The following RNF152 variants were observed in gnomAD, a reference collection of about 807,000 sequenced individuals.
The protein encoded by RNF152 is ring finger protein 152, also known as E3 ubiquitin-protein ligase RNF152.
Under a neutral mutation model 12.7 loss-of-function variants are expected in RNF152, and 11 were observed. The ratio of observed to expected loss-of-function variants is 0.86; its 90% confidence interval spans 0.54 to 1.43. The LOEUF is 1.43. Ranked by LOEUF, RNF152 falls within the 40% of genes most tolerant of loss-of-function variation. The probability of loss-of-function intolerance (pLI) is 0.00; values close to 1 mark genes in which losing one functional copy is unlikely to be tolerated. For missense variants in RNF152, 255 were observed against 274.8 expected, an observed-to-expected ratio of 0.93 and a Z score of 0.51; for synonymous variants, 113 against 120.3, an observed-to-expected ratio of 0.94 and a Z score of 0.40.
rs139265161 is a variant in RNF152, at chr18:61,872,942, G to C, written c.-136+19853C>G. Among the ~76,000 whole-genome samples, 849 of 152,186 alleles carry C rather than the reference G, an allele frequency of 5.6e-3. 3 individuals carry two copies. Among genetic ancestry groups the C allele is most frequent in the Middle Eastern group, 0.017 (5 of 294 alleles). On this transcript the variant is annotated intron_variant, in intron 1 of 1. Transcript: ENST00000312828. Reference sequence around the variant, plus strand: ...AAGATGTTTATTATTAGTTTATTTTGTTTCTGATAATAGCTTCCTTTGGTT... The same window carrying C: ...AAGATGTTTATTATTAGTTTATTTTCTTTCTGATAATAGCTTCCTTTGGTT...
chr18:61,853,296 C>T (rs1251802681), intron 1 of RNF152, among the ~76,000 whole-genome samples: 9 of 127,516 alleles, frequency 7.1e-5, no homozygotes, highest in Admixed American at 2.5e-4. Flanking sequence ...GTTCCTTGCC[C>T]TTTTTTTTTT....
chr18:61,855,406 G>A (rs56039619), intron 1 of RNF152, among the ~76,000 whole-genome samples: 11,417 of 152,286 alleles, frequency 0.075, 419 homozygotes, highest in Middle Eastern at 0.11. Context: ...TGGGGGAGGC[G>A]CAGCCAGGAC....
At position 61,815,959 on chromosome 18, in the gene RNF152, C is replaced by G; in HGVS notation, c.505G>C (p.Val169Leu). 2 of 1,614,242 alleles carry G rather than the reference C, an allele frequency of 1.2e-6. No homozygotes were observed. The highest frequency in any genetic ancestry group is 1.3e-5 in the African/African-American group (1 of 75,070). ...GVVKSSTWSGVCTVILVACVL... is the reference protein window; with the variant it reads ...GVVKSSTWSGLCTVILVACVL... ...CAAGCCACCAAGATGACAGTGCACA[C>G]CCCCGACCAGGTGGAGCTTTTCACC... Residue 169 changes from valine (V) to leucine (L), a missense_variant, in exon 2 of 2, where the codon GTG (valine) becomes CTG (leucine). Physicochemically the swap from Val to Leu is conservative, Grantham distance 32. Coordinates refer to ENST00000312828, the MANE Select transcript of RNF152 (RefSeq NM_173557.3).
At chr18:61,823,304 T>C (rs772453206) in intron 1 of RNF152, among the ~76,000 whole-genome samples, 4 of 152,202 alleles carry the variant, frequency 2.6e-5, no homozygotes, top group East Asian at 1.9e-4. Context: ...TTTAAACATG[T>C]TTTTTGTTTT....
At chr18:61,845,280 T>C (rs1438729499) in intron 1 of RNF152, among the ~76,000 whole-genome samples, 1 of 152,314 alleles carries the variant, frequency 6.6e-6, no homozygotes, top group Non-Finnish European at 1.5e-5. Context: ...CTTGTGGAGG[T>C]GACAGTTTTG....
At chr18:61,818,828 G>A (rs528636066) in intron 1 of RNF152, among the ~76,000 whole-genome samples, 5 of 152,226 alleles carry the variant, frequency 3.3e-5, no homozygotes, top group Non-Finnish European at 7.4e-5. Flanking sequence ...CAAGCGTGAT[G>A]TTCCTTTTTG....
At chr18:61,828,771 T>C (rs1015389232) in intron 1 of RNF152, among the ~76,000 whole-genome samples, 3 of 152,298 alleles carry the variant, frequency 2.0e-5, no homozygotes, top group Non-Finnish European at 4.4e-5. Flanking sequence ...CAAATGCATA[T>C]TGAGTATAAG....
At chr18:61,851,668 A>G (rs138796502) in intron 1 of RNF152, among the ~76,000 whole-genome samples, 1 of 152,172 alleles carries the variant, frequency 6.6e-6, no homozygotes, top group East Asian at 1.9e-4. Flanking sequence ...TGGACACCCA[A>G]ATTCACCCAG....
intron 1 of RNF152, chr18:61,890,258 T>C (rs1159555041): frequency 6.6e-6 from 1 of 152,214 alleles, no homozygotes; most frequent in African/African-American, 2.4e-5. Context: ...TGGAAGTCAC[T>C]AGTGCTACTC....
Position 61,809,405 on chromosome 18 carries a change from C to G in RNF152, c.*6447G>C, listed in dbSNP as rs754202638. 2.0e-5 allele frequency: 3 copies of G among 152,232 alleles called. No individual in the cohort carries two copies. The highest frequency in any genetic ancestry group is 4.4e-5 in the Non-Finnish European group (3 of 68,048). The allele number at this position is 152,232 out of a possible 1,614,324, so 9.4% of individuals were successfully genotyped here. ...TGTCATCTCTATTTCCTTCTGCTTA[C>G]AGCCCATGCTCTTCCACCACTATTA... On this transcript the variant is annotated 3_prime_UTR_variant, in exon 2 of 2. Coordinates refer to ENST00000312828, the MANE Select transcript of RNF152 (RefSeq NM_173557.3).
In RNF152 at chr18:61,842,561, G is replaced by A. The variant is rs185889032; in HGVS notation, c.-135-25963C>T. On this transcript the variant is annotated intron_variant, in intron 1 of 1. Transcript: ENST00000312828. The stretch of plus-strand genomic sequence containing the variant: ...CCTCTCTCTTCCTTCATGGCAAAAA[G>A]TCAAATGCTTGACTATTGAGCACCT... Among the ~76,000 whole-genome samples, 412 of 152,300 alleles carry A rather than the reference G, an allele frequency of 2.7e-3. 3 individuals are homozygous for A. The highest frequency in any genetic ancestry group is 3.6e-3 in the Non-Finnish European group (247 of 68,032).
chr18:61,844,211 G>T (rs1294909989), intron 1 of RNF152, among the ~76,000 whole-genome samples: 1 of 131,194 alleles, frequency 7.6e-6, no homozygotes, highest in South Asian at 2.6e-4. Flanking sequence ...GGGAGGGAAG[G>T]AGGGAGGGAA....
At chr18:61,855,916 G>C (rs149464964) in intron 1 of RNF152, among the ~76,000 whole-genome samples, 1 of 152,280 alleles carries the variant, frequency 6.6e-6, no homozygotes, top group Non-Finnish European at 1.5e-5. Flanking sequence ...AACTGAAAGA[G>C]AGTACACCTG....
chr18:61,820,328 C>CGAGAGA (rs1909331560), intron 1 of RNF152, among the ~76,000 whole-genome samples: 1 of 28,100 alleles, frequency 3.6e-5, no homozygotes, highest in Non-Finnish European at 5.7e-5. Context: ...GACTCCGTCT[C>CGAGAGA]ACCAAAAAAA....
At chr18:61,836,166 G>A (rs1371729701) in intron 1 of RNF152, among the ~76,000 whole-genome samples, 1 of 152,156 alleles carries the variant, frequency 6.6e-6, no homozygotes, top group Non-Finnish European at 1.5e-5. Context: ...TTGGAGAAAT[G>A]GTTGATTCCA....
intron 1 of RNF152, among the ~76,000 whole-genome samples, chr18:61,885,600 G>A (rs530442791): frequency 2.6e-5 from 4 of 152,140 alleles, no homozygotes; most frequent in South Asian, 2.1e-4. Flanking sequence ...GAGCCACCAC[G>A]CCCAGCCGAG....
chr18:61,837,112 A>G (rs1268930088), intron 1 of RNF152, among the ~76,000 whole-genome samples: 1 of 152,218 alleles, frequency 6.6e-6, no homozygotes, highest in African/African-American at 2.4e-5. Context: ...CTTATGAAGT[A>G]TCACGCCTAA....
chr18:61,855,664 C>T (rs1213645735), intron 1 of RNF152, among the ~76,000 whole-genome samples: 1 of 152,352 alleles, frequency 6.6e-6, no homozygotes, highest in East Asian at 1.9e-4. Flanking sequence ...TGGCTGTGCA[C>T]AGTGGCTGGA....
chr18:61,857,249 G>A (rs1218782438), intron 1 of RNF152, among the ~76,000 whole-genome samples: 1 of 152,156 alleles, frequency 6.6e-6, no homozygotes, highest in East Asian at 1.9e-4. Context: ...TGAGAAAACT[G>A]AGACTTAAGG....
Sources: allele counts gnomAD v4.1 joint callset (sites outside exome capture counted in the v4.1 genomes callset), GRCh38; gene constraint gnomAD v4.1.1; transcripts MANE v1.5; gene names NCBI Gene and HGNC (gene_info 2026-07-23, HGNC 2026-07-21).